The following UGT2A1 variants were observed in gnomAD, a reference collection of about 807,000 sequenced individuals.
UGT2A1 encodes the protein UDP glucuronosyltransferase family 2 member A1 complex locus.
A neutral mutation model predicts 45.4 loss-of-function variants in UGT2A1; 61 were observed. The ratio of observed to expected loss-of-function variants is 1.34; its 90% CI spans 1.09 to 1.66. The LOEUF is 1.66. Ranked by LOEUF, UGT2A1 falls within the 40% of genes most tolerant of loss-of-function variation. The pLI, the probability that UGT2A1 is intolerant of heterozygous loss-of-function variation, is 0.00. For missense variants in UGT2A1, 649 were observed against 574.3 expected, an observed-to-expected ratio of 1.13 and a Z score of -1.33; for synonymous variants, 229 against 196.2, an observed-to-expected ratio of 1.17 and a Z score of -1.40.
chr4:69,589,558 C>G lies in UGT2A1; in HGVS notation c.1398G>C (p.Met466Ile). 6.2e-7 allele frequency: 1 copy of G among 1,614,010 alleles called. No individual in the cohort carries two copies. The highest frequency in any genetic ancestry group is 8.5e-7 in the Non-Finnish European group (1 of 1,179,946). Residue 466 changes from methionine (M) to isoleucine (I), a missense_variant, in exon 7 of 7, where the codon ATG (methionine) becomes ATC (isoleucine). Physicochemically the swap from Met to Ile is conservative, Grantham distance 10 (BLOSUM62 1). Transcript: ENST00000286604. ...DRAVFWIEFV[M>I]RHKGAKHLRV... is the part of the protein sequence containing the mutation. ...GAAGGTGCTTGGCTCCTTTGTGGCG[C>G]ATGACAAACTCGATCCAGAAGACTG... is the stretch of plus-strand genomic sequence containing the variant.
At chr4:69,651,967 G>A (rs1170089822) in intron 1 of UGT2A1, among the ~76,000 whole-genome samples, 1 of 152,132 alleles carries the variant, frequency 6.6e-6, no homozygotes, top group Non-Finnish European at 1.5e-5. Flanking sequence ...GGTTAAACGG[G>A]GCACTTCAGG....
At chr4:69,640,618 G>T (rs1722000799) in intron 2 of UGT2A1, among the ~76,000 whole-genome samples, 1 of 151,688 alleles carries the variant, frequency 6.6e-6, no homozygotes, top group Non-Finnish European at 1.5e-5. Context: ...GTGATTAAAA[G>T]GATAAAAATC....
chr4:69,597,857 A>G (rs973726205), intron 4 of UGT2A1, among the ~76,000 whole-genome samples: 2 of 152,284 alleles, frequency 1.3e-5, no homozygotes, highest in South Asian at 4.1e-4. Flanking sequence ...TTCATCAGCA[A>G]TATAACCCAT....
chr4:69,590,449 T>C (rs1384362895), intron 6 of UGT2A1, among the ~76,000 whole-genome samples: 2 of 152,300 alleles, frequency 1.3e-5, no homozygotes, highest in South Asian at 2.1e-4. Context: ...GTAGGTTTCA[T>C]TTTGGTTTGT....
Position 69,647,085 on chromosome 4 carries a change from G to A in UGT2A1, c.560C>T (p.Pro187Leu). The change falls in exon 2 of 7, where the codon CCA (proline) becomes CTA (leucine). Residue 187 changes from proline (P) to leucine (L), a missense_variant. Coordinates refer to ENST00000286604, the MANE Select transcript of UGT2A1 (RefSeq NM_001252275.3). ...AGCAGGAACATAGGAAGGAGGGTAT[G>A]GTACCTTCCCACAGTGCTTTTCCAC... The part of the protein sequence containing the change: ...STVEKHCGKV[P>L]YPPSYVPAVL... 1.2e-6 allele frequency: 2 copies of A among 1,612,772 alleles called. No individual in the cohort carries two copies. Among genetic ancestry groups the A allele is most frequent in the South Asian group, 1.1e-5 (1 of 90,988 alleles).
intron 6 of UGT2A1, among the ~76,000 whole-genome samples, chr4:69,590,219 G>T (rs568791226): frequency 2.6e-5 from 4 of 152,252 alleles, no homozygotes; most frequent in Middle Eastern, 3.4e-3. Context: ...AAATACTCTG[G>T]TGATTTAAGA....
At chr4:69,601,045 G>A (rs1162548302) in intron 3 of UGT2A1, among the ~76,000 whole-genome samples, 1 of 152,160 alleles carries the variant, frequency 6.6e-6, no homozygotes, top group African/African-American at 2.4e-5. Context: ...TTTGAGAGGA[G>A]TGTGCCTGGA....
chr4:69,627,463 A>AGCAGGCAG (rs1002480493), intron 3 of UGT2A1, among the ~76,000 whole-genome samples: 2 of 63,832 alleles, frequency 3.1e-5, no homozygotes. Context: ...CAGACAGGCA[A>AGCAGGCAG]GCAGGCAGGC....
chr4:69,593,976 TGTTTG>T lies in UGT2A1; in HGVS notation c.1304+496_1304+500del, dbSNP rs373669327. 2.2e-4 allele frequency among the ~76,000 whole-genome samples: 27 copies of T among 122,100 alleles called. 1 individual carries two copies. Among genetic ancestry groups the T allele is most frequent in the East Asian group, 5.5e-4 (2 of 3,650 alleles). The allele number at this position is 122,100 out of a possible 152,430, so 80.1% of individuals were successfully genotyped here. Reference sequence around the variant, plus strand: ...AAATAATATTTGAAGTCTTTTTTTTTGTTTGTTTTTTTTTTTGAGACTGAGTCTTG... The same window carrying T: ...AAATAATATTTGAAGTCTTTTTTTTTTTTTTTTTTTTGAGACTGAGTCTTG... On this transcript the variant is annotated intron_variant, in intron 6 of 6. Transcript: ENST00000286604.
At chr4:69,651,444 T>C (rs1722520793) in intron 1 of UGT2A1, among the ~76,000 whole-genome samples, 1 of 152,194 alleles carries the variant, frequency 6.6e-6, no homozygotes, top group Non-Finnish European at 1.5e-5. Flanking sequence ...GATTACTATA[T>C]TTGTGAAAGC....
At chr4:69,614,170 T>C (rs970330463) in intron 3 of UGT2A1, among the ~76,000 whole-genome samples, 6 of 152,056 alleles carry the variant, frequency 3.9e-5, no homozygotes, top group Admixed American at 6.6e-5. Context: ...GTGGCATTTC[T>C]ATATGCCAAC....
chr4:69,639,652 T>A, intron 2 of UGT2A1: 1 of 1,537,062 alleles, frequency 6.5e-7, no homozygotes, highest in South Asian at 1.3e-5. Flanking sequence ...CTACTGTAGA[T>A]CCTTCAAGAT....
intron 2 of UGT2A1, among the ~76,000 whole-genome samples, chr4:69,641,209 C>T (rs1722032589): frequency 6.6e-6 from 1 of 151,862 alleles, no homozygotes; most frequent in Non-Finnish European, 1.5e-5. Context: ...TCAACTTCCA[C>T]TTTTACGTAA....
At chr4:69,597,714 T>G (rs992584642) in intron 4 of UGT2A1, among the ~76,000 whole-genome samples, 1 of 125,908 alleles carries the variant, frequency 7.9e-6, no homozygotes, top group African/African-American at 3.0e-5. Flanking sequence ...TTCATTAAAA[T>G]AACACACACA....
At chr4:69,647,720 G>T in intron 1 of UGT2A1, 22 bp from the exon 2 acceptor site, 1 of 1,096,644 alleles carries the variant, frequency 9.1e-7, no homozygotes, top group Non-Finnish European at 1.3e-6. Context: ...AAAAAGGAAA[G>T]ACAAAATTAT....
chr4:69,620,937 A>G (rs1224997196), intron 3 of UGT2A1, among the ~76,000 whole-genome samples: 1 of 151,904 alleles, frequency 6.6e-6, no homozygotes, highest in Admixed American at 6.6e-5. Context: ...GCTGGCATAA[A>G]TGGCTAGCCA....
chr4:69,622,132 C>G (rs986355454), intron 3 of UGT2A1, among the ~76,000 whole-genome samples: 1 of 151,756 alleles, frequency 6.6e-6, no homozygotes, highest in East Asian at 1.9e-4. Context: ...TGTAACAAAC[C>G]TGCACATGTA....
At chr4:69,594,854 G>C (rs1477977640) in intron 5 of UGT2A1, among the ~76,000 whole-genome samples, 158 bp from the exon 6 acceptor site, 9 of 152,184 alleles carry the variant, frequency 5.9e-5, no homozygotes, top group Admixed American at 2.6e-4. Flanking sequence ...TCAGAAAACT[G>C]TGATCCCAGG....
chr4:69,605,284 A>G (rs773997692), intron 3 of UGT2A1, among the ~76,000 whole-genome samples: 3 of 137,192 alleles, frequency 2.2e-5, no homozygotes, highest in Non-Finnish European at 4.6e-5. Flanking sequence ...AAACCGCTCA[A>G]CTACATGGAA....
Sources: gnomAD v4.1 joint callset for allele counts (sites outside exome capture counted in the v4.1 genomes callset) on GRCh38, gnomAD v4.1.1 for gene constraint, MANE v1.5 for transcripts, NCBI Gene and HGNC (gene_info 2026-07-23, HGNC 2026-07-21) for gene names.